Variants in TENM2 observed in about 807,000 individuals in gnomAD.
TENM2 encodes teneurin-2.
A neutral mutation model predicts 245.2 loss-of-function variants in TENM2; 52 were observed. The observed-to-expected ratio is 0.21, with a 90% CI of 0.17 to 0.27. TENM2 has a LOEUF of 0.27. Ranked by LOEUF, TENM2 falls within the 10% of genes least tolerant of loss-of-function variation. The pLI is 1.00. For missense variants in TENM2, 3,046 were observed against 3,666.8 expected (o/e 0.83, Z 4.37); for synonymous variants, 1,363 against 1,438.9 (o/e 0.95, Z 1.19).
chr5:167,968,290 G>A (rs1467282007), intron 4 of TENM2, among the ~76,000 whole-genome samples: 1 of 152,130 alleles, frequency 6.6e-6, no homozygotes, highest in Non-Finnish European at 1.5e-5. Flanking sequence ...CTGCACAAAG[G>A]ATCACCCTCA....
the TENM2 span, among the ~76,000 whole-genome samples, chr5:167,028,875 T>C: frequency 2.0e-5 from 3 of 152,100 alleles, no homozygotes; most frequent in Non-Finnish European, 2.9e-5. Context: ...AGGCCTGTGT[T>C]TGCATTCTTT....
intron 2 of TENM2, among the ~76,000 whole-genome samples, chr5:167,707,458 G>A (rs1290737907): frequency 6.6e-6 from 1 of 152,066 alleles, no homozygotes; most frequent in African/African-American, 2.4e-5. Flanking sequence ...TCTGTTGCCT[G>A]TGCTTTATTG....
intron 25 of TENM2, among the ~76,000 whole-genome samples, chr5:168,230,100 G>T (rs1764705925): frequency 6.6e-6 from 1 of 152,018 alleles, no homozygotes; most frequent in Admixed American, 6.6e-5. Context: ...TTTAATAATG[G>T]TACTTGTGGT....
At chr5:167,578,292 T>C (rs1774851783) in intron 2 of TENM2, among the ~76,000 whole-genome samples, 1 of 152,214 alleles carries the variant, frequency 6.6e-6, no homozygotes, top group East Asian at 1.9e-4. Flanking sequence ...ATCTTCCCCT[T>C]GTAGCAATGC....
At chr5:167,388,761 T>A (rs1761592411) in intron 2 of TENM2, among the ~76,000 whole-genome samples, 1 of 152,150 alleles carries the variant, frequency 6.6e-6, no homozygotes, top group Admixed American at 6.6e-5. Flanking sequence ...TTTGACCCAA[T>A]GATCATTCAG....
chr5:167,084,226 T>C, the TENM2 span, among the ~76,000 whole-genome samples: 2 of 149,700 alleles, frequency 1.3e-5, no homozygotes, highest in South Asian at 4.3e-4. Flanking sequence ...CTCTCTGCCT[T>C]TGCTGAAAAA....
chr5:167,180,406 C>G, the TENM2 span, among the ~76,000 whole-genome samples: 1 of 152,120 alleles, frequency 6.6e-6, no homozygotes, highest in South Asian at 2.1e-4. Context: ...CCTTTTCTCT[C>G]CCTACTTTTC....
chr5:168,178,386 G>A (rs1759542927), intron 13 of TENM2, among the ~76,000 whole-genome samples: 1 of 152,172 alleles, frequency 6.6e-6, no homozygotes, highest in Admixed American at 6.5e-5. Context: ...CAAGCATTTG[G>A]GGAAATCAGA....
At chr5:167,224,105 GAGT>G in the TENM2 span, among the ~76,000 whole-genome samples, 1 of 152,092 alleles carries the variant, frequency 6.6e-6, no homozygotes, top group Non-Finnish European at 1.5e-5. Flanking sequence ...CCTGTTGGAT[GAGT>G]AGTTCACAAA....
At chr5:168,066,376 A>G (rs944023398) in intron 7 of TENM2, among the ~76,000 whole-genome samples, 1 of 152,170 alleles carries the variant, frequency 6.6e-6, no homozygotes, top group African/African-American at 2.4e-5. Flanking sequence ...CAGAAATATC[A>G]ATGAAGATCC....
chr5:167,469,442 A>G (rs1766870209), intron 2 of TENM2, among the ~76,000 whole-genome samples: 1 of 152,182 alleles, frequency 6.6e-6, no homozygotes, highest in African/African-American at 2.4e-5. Context: ...TTCTAAATTT[A>G]GGCTTAAATG....
chr5:168,226,161 G>A (rs1464108054), exon 24 of TENM2: 10 of 1,613,702 alleles, frequency 6.2e-6, no homozygotes, highest in Non-Finnish European at 7.6e-6. Flanking sequence ...CCGGGAAATG[G>A]AGAAATCTAT....
chr5:167,509,745 A>G (rs897131006), intron 2 of TENM2, among the ~76,000 whole-genome samples: 1 of 152,220 alleles, frequency 6.6e-6, no homozygotes, highest in Non-Finnish European at 1.5e-5. Flanking sequence ...ATTGCCTCAC[A>G]TAATTTTAAC....
Position 168,218,814 on chromosome 5 carries a change from C to G in TENM2, c.4923C>G (p.Asp1641Glu). The change falls in exon 23 of 29, where the codon GAC becomes GAG. Residue 1641 changes from aspartate (D) to glutamate (E), a missense_variant. Transcript: ENST00000518659. This position sits in a 1 kb window ranked among gnomAD's most constrained non-coding sequence, Gnocchi z 5.2. ...GGAATTCCCTGAAGATCCGTCGGGA[C>G]AGCAGTGGCATGCCCCGTCACCTGC... 6.2e-7 allele frequency: 1 copy of G among 1,613,992 alleles called. No homozygotes were observed. Among genetic ancestry groups the G allele is most frequent in the East Asian group, 2.2e-5 (1 of 44,880 alleles).
the TENM2 span, among the ~76,000 whole-genome samples, chr5:167,167,430 CCT>C: frequency 3.3e-5 from 5 of 152,156 alleles, no homozygotes; most frequent in African/African-American, 7.2e-5. Flanking sequence ...TGATCCCTCC[CCT>C]GTCATAAACT....
chr5:167,441,441 T>C (rs1003701910), intron 2 of TENM2, among the ~76,000 whole-genome samples: 3 of 152,244 alleles, frequency 2.0e-5, no homozygotes, highest in African/African-American at 4.8e-5. Context: ...ATAAATGTTT[T>C]TGGAAGTCAC....
intron 2 of TENM2, among the ~76,000 whole-genome samples, chr5:167,735,737 T>C (rs1582873634): frequency 6.6e-6 from 1 of 152,074 alleles, no homozygotes. Context: ...GCCTAGGAGA[T>C]GGAGGTTGCA....
chr5:167,815,512 G>A (rs1391543065), intron 2 of TENM2, among the ~76,000 whole-genome samples: 1 of 152,152 alleles, frequency 6.6e-6, no homozygotes, highest in Non-Finnish European at 1.5e-5. Context: ...ATACAATTGT[G>A]TCTGACCAAG....
At chr5:167,568,670 T>TG (rs932272932) in intron 2 of TENM2, among the ~76,000 whole-genome samples, 16 of 151,696 alleles carry the variant, frequency 1.1e-4, no homozygotes, top group African/African-American at 3.6e-4. Context: ...TGTGTGTGTG[T>TG]GTGTGTGTGT....
Sources: gnomAD v4.1 joint callset for allele counts (sites outside exome capture counted in the v4.1 genomes callset) on GRCh38, gnomAD v4.1.1 for gene constraint, Gnocchi (gnomAD v3.1) non-coding constraint, MANE v1.5 for transcripts, NCBI Gene and HGNC (gene_info 2026-07-23, HGNC 2026-07-21) for gene names.